The following PHACTR1 variants were observed in gnomAD, a reference collection of about 807,000 sequenced individuals.
PHACTR1 encodes RPEL repeat containing 1.
PHACTR1 carries 16 observed loss-of-function variants against 69.2 expected under a neutral mutation model. That is an observed-to-expected ratio of 0.23 (90% CI 0.16 to 0.35). PHACTR1 has a LOEUF of 0.35. Ranked by LOEUF, PHACTR1 falls within the 10% of genes least tolerant of loss-of-function variation. PHACTR1 has a pLI of 1.00. For missense variants in PHACTR1, 510 were observed against 734.7 expected, an observed-to-expected ratio of 0.69 and a Z score of 3.54; for synonymous variants, 312 against 284.5, an observed-to-expected ratio of 1.10 and a Z score of -0.97.
rs1803765941 is a variant in PHACTR1 at position 13,038,963 on chromosome 6, C to T, written c.251-14402C>T. ...ACCAAAGAAATGGCATATCTCTTAT[C>T]TTTAAGCAGATTTCCAAGAAGTCAC... On this transcript the variant is annotated intron_variant, in intron 4 of 14. Coordinates refer to ENST00000332995, the MANE Select transcript of PHACTR1 (RefSeq NM_030948.6). Among the ~76,000 whole-genome samples the T allele has an allele frequency of 1.3e-5, 2 of 152,320 alleles. 1 individual carries two copies. Among genetic ancestry groups the T allele is most frequent in the South Asian group, 4.1e-4 (2 of 4,826 alleles).
intron 4 of PHACTR1, among the ~76,000 whole-genome samples, chr6:12,907,450 A>T (rs1021997264): frequency 2.6e-5 from 4 of 152,202 alleles, no homozygotes; most frequent in African/African-American, 9.7e-5. Context: ...TAGTTATTGC[A>T]ATTTGAAAGC....
In PHACTR1 at chr6:12,740,083, G is replaced by T. The variant is rs531650999; in HGVS notation, c.104-9561G>T. Among the ~76,000 whole-genome samples the T allele has an allele frequency of 3.9e-5, 6 of 152,178 alleles. No homozygotes were observed. In the South Asian group the frequency reaches 1.0e-3, roughly 26 times the overall value. Reference sequence around the variant, plus strand: ...GAACTTTGTGTAAATGGAATCATGTGGTATGTAGTCTTTCAGGGCTGGCAT... The same window carrying T: ...GAACTTTGTGTAAATGGAATCATGTTGTATGTAGTCTTTCAGGGCTGGCAT... On this transcript the variant is annotated intron_variant, in intron 3 of 14. Coordinates refer to ENST00000332995, the MANE Select transcript of PHACTR1 (RefSeq NM_030948.6).
intron 5 of PHACTR1, among the ~76,000 whole-genome samples, chr6:13,089,440 T>C (rs747411163): frequency 2.0e-5 from 3 of 152,142 alleles, no homozygotes; most frequent in Non-Finnish European, 4.4e-5. Flanking sequence ...CAGGGCAGGC[T>C]TTCTTGGGTC....
chr6:12,755,805 T>C (rs1382591431), intron 4 of PHACTR1, among the ~76,000 whole-genome samples: 1 of 152,082 alleles, frequency 6.6e-6, no homozygotes, highest in Non-Finnish European at 1.5e-5. Context: ...ATTAAACGGG[T>C]ATGTAAGATC....
In PHACTR1 at chr6:12,914,462, T is replaced by C. The variant is rs1468223444; in HGVS notation, c.251-138903T>C. Among the ~76,000 whole-genome samples, 3 of 152,182 alleles carry C rather than the reference T, an allele frequency of 2.0e-5. No individual in the cohort carries two copies. The East Asian group carries it at 5.8e-4, about 29-fold the overall frequency. On this transcript the variant is annotated intron_variant, in intron 4 of 14. Coordinates refer to ENST00000332995, the MANE Select transcript of PHACTR1 (RefSeq NM_030948.6). ...TAGCTCTGAAACTGTATGTCCGCACTTCACTTCAGCTACTATAGATGCGCT... is the reference window on the plus strand; with the variant it reads ...TAGCTCTGAAACTGTATGTCCGCACCTCACTTCAGCTACTATAGATGCGCT...
Position 13,045,264 on chromosome 6 carries a change from T to A in PHACTR1, c.251-8101T>A, listed in dbSNP as rs148329499. ...ATAATATATAGCCCTCGCTCACAAG[T>A]TTAATTTGAGGATTATATAAGGTAA... On this transcript the variant is annotated intron_variant, in intron 4 of 14. Coordinates refer to ENST00000332995, the MANE Select transcript of PHACTR1 (RefSeq NM_030948.6). Among the ~76,000 whole-genome samples, 272 of 152,272 alleles carry A rather than the reference T, an allele frequency of 1.8e-3. 1 individual carries two copies. The highest frequency in any genetic ancestry group is 6.2e-3 in the African/African-American group (256 of 41,538).
At chr6:12,964,037 A>G (rs1394930248) in intron 4 of PHACTR1, among the ~76,000 whole-genome samples, 1 of 152,224 alleles carries the variant, frequency 6.6e-6, no homozygotes, top group Non-Finnish European at 1.5e-5. Context: ...TTTAATTTAA[A>G]GTTGGTTTGT....
chr6:12,902,299 T>C lies in PHACTR1; in HGVS notation c.251-151066T>C, dbSNP rs186898427. Among the ~76,000 whole-genome samples the C allele has an allele frequency of 7.2e-5, 11 of 152,296 alleles. No homozygotes were observed. In the East Asian group the frequency reaches 1.9e-3, roughly 27 times the overall value. On this transcript the variant is annotated intron_variant, in intron 4 of 14. Coordinates refer to ENST00000332995, the MANE Select transcript of PHACTR1 (RefSeq NM_030948.6). Reference sequence around the variant, plus strand: ...TTAGCTGGATATGGTGGCACGTACCTGTAATATCAGCTACTCAAGAGGCTG... The same window carrying C: ...TTAGCTGGATATGGTGGCACGTACCCGTAATATCAGCTACTCAAGAGGCTG...
chr6:13,049,621 G>A (rs890173809), intron 4 of PHACTR1, among the ~76,000 whole-genome samples: 2 of 152,138 alleles, frequency 1.3e-5, no homozygotes, highest in African/African-American at 4.8e-5. Flanking sequence ...AGAGATCCCG[G>A]GATGAGTGCT....
At chr6:12,829,880 C>T (rs1345347150) in intron 4 of PHACTR1, among the ~76,000 whole-genome samples, 2 of 150,304 alleles carry the variant, frequency 1.3e-5, no homozygotes, top group Non-Finnish European at 3.0e-5. Flanking sequence ...ATCGCTTGAA[C>T]CCAGGAGGCG....
intron 6 of PHACTR1, among the ~76,000 whole-genome samples, chr6:13,166,962 T>G (rs1315815341): frequency 2.0e-5 from 3 of 152,144 alleles, no homozygotes; most frequent in Non-Finnish European, 2.9e-5. Context: ...TGTATATTGT[T>G]TGGTCATTAA....
At chr6:13,235,975 G>A (rs1177038413) in intron 10 of PHACTR1, among the ~76,000 whole-genome samples, 1 of 152,214 alleles carries the variant, frequency 6.6e-6, no homozygotes, top group African/African-American at 2.4e-5. Flanking sequence ...ATCATCTAAA[G>A]TGAGCTCAGG....
intron 4 of PHACTR1, among the ~76,000 whole-genome samples, chr6:12,955,405 A>G (rs1478717600): frequency 6.6e-6 from 1 of 151,944 alleles, no homozygotes; most frequent in African/African-American, 2.4e-5. Context: ...GGGTCTTGCT[A>G]TGTTGCCCAG....
intron 4 of PHACTR1, among the ~76,000 whole-genome samples, chr6:12,837,145 C>T (rs1778249862): frequency 6.6e-6 from 1 of 152,130 alleles, no homozygotes; most frequent in African/African-American, 2.4e-5. Flanking sequence ...AGCACAAAAA[C>T]CTGTTGGTCC....
At chr6:12,724,458 A>G (rs1397878394) in intron 3 of PHACTR1, among the ~76,000 whole-genome samples, 1 of 152,244 alleles carries the variant, frequency 6.6e-6, no homozygotes, top group Non-Finnish European at 1.5e-5. Context: ...CATGTTGCAG[A>G]CTAGAAAACC....
intron 4 of PHACTR1, among the ~76,000 whole-genome samples, chr6:12,955,274 C>G (rs1791765821): frequency 1.4e-5 from 2 of 144,710 alleles, no homozygotes; most frequent in South Asian, 4.3e-4. Flanking sequence ...TCGTGGCTCA[C>G]CGTAGCTTTG....
In PHACTR1 at chr6:13,045,305, T is replaced by C. The variant is rs141442617; in HGVS notation, c.251-8060T>C. Among the ~76,000 whole-genome samples, 31 of 152,322 alleles carry C rather than the reference T, an allele frequency of 2.0e-4. 1 individual carries two copies. In the East Asian group the frequency reaches 5.6e-3, roughly 27 times the overall value. On this transcript the variant is annotated intron_variant, in intron 4 of 14. Coordinates refer to ENST00000332995, the MANE Select transcript of PHACTR1 (RefSeq NM_030948.6). ...TATAAGGTAACACATTTTAAGTGCT[T>C]AGATCAGTGTCTGGAATAGACTTAG...
chr6:13,071,717 T>C (rs936839147), intron 5 of PHACTR1, among the ~76,000 whole-genome samples: 1 of 152,222 alleles, frequency 6.6e-6, no homozygotes, highest in African/African-American at 2.4e-5. Context: ...CATAGCAGCA[T>C]TTTTAGGTCC....
At chr6:13,146,175 T>C (rs896544099) in intron 5 of PHACTR1, among the ~76,000 whole-genome samples, 7 of 152,098 alleles carry the variant, frequency 4.6e-5, no homozygotes, top group African/African-American at 1.4e-4. Context: ...CCTCTCAGAG[T>C]TGTTGTAAGA....
Sources: gnomAD v4.1 joint callset for allele counts (sites outside exome capture counted in the v4.1 genomes callset) on GRCh38, gnomAD v4.1.1 for gene constraint, MANE v1.5 for transcripts, NCBI Gene and HGNC (gene_info 2026-07-23, HGNC 2026-07-21) for gene names.